Variants in PDE4D observed in about 807,000 individuals in gnomAD.
The protein encoded by PDE4D is phosphodiesterase 4D.
In PDE4D, 24 loss-of-function variants were observed where a neutral mutation model predicts 87.4. The ratio of observed to expected loss-of-function variants is 0.27; its 90% CI spans 0.20 to 0.39. The LOEUF (loss-of-function observed/expected upper bound fraction) is 0.39. Ranked by LOEUF, PDE4D falls within the 10% of genes least tolerant of loss-of-function variation. PDE4D has a pLI of 1.00. For missense variants in PDE4D, 714 were observed against 1,041.0 expected, an observed-to-expected ratio of 0.69 and a Z score of 4.32; for synonymous variants, 384 against 383.2, an observed-to-expected ratio of 1.00 and a Z score of -0.02.
At chr5:59,598,866 C>T (rs1158579576) in intron 1 of PDE4D, among the ~76,000 whole-genome samples, 1 of 152,088 alleles carries the variant, frequency 6.6e-6, no homozygotes. Flanking sequence ...ATCCTTTGAG[C>T]CCAGGAGTTC....
intron 6 of PDE4D, among the ~76,000 whole-genome samples, chr5:59,019,283 C>T (rs78778448): frequency 0.064 from 9,798 of 152,184 alleles, 419 homozygotes; most frequent in Non-Finnish European, 0.093. Flanking sequence ...AATTCCCTAA[C>T]GGTTTCTTCT....
At chr5:59,705,741 T>C (rs533909962) in intron 1 of PDE4D, among the ~76,000 whole-genome samples, 106 of 152,322 alleles carry the variant, frequency 7.0e-4, no homozygotes, top group African/African-American at 2.5e-3. Context: ...CACAGCACCC[T>C]ATACATGTTA....
intron 1 of PDE4D, among the ~76,000 whole-genome samples, chr5:59,301,136 A>G (rs1238126699): frequency 1.3e-5 from 2 of 151,968 alleles, no homozygotes; most frequent in African/African-American, 2.4e-5. Context: ...TGACATCAGC[A>G]TTCCTTCCCC....
intron 1 of PDE4D, among the ~76,000 whole-genome samples, chr5:59,397,197 C>T (rs1352370161): frequency 1.5e-4 from 18 of 116,232 alleles, no homozygotes; most frequent in African/African-American, 6.4e-4. Flanking sequence ...CAAGGATACC[C>T]AGGAATTGAA....
At chr5:60,383,068 A>G (rs1306646522) in intron 1 of PDE4D, among the ~76,000 whole-genome samples, 1 of 152,220 alleles carries the variant, frequency 6.6e-6, no homozygotes, top group Non-Finnish European at 1.5e-5. Flanking sequence ...TAAAAAATGT[A>G]AGATACAAGA....
intron 2 of PDE4D, among the ~76,000 whole-genome samples, chr5:59,200,680 TATAC>T (rs1747071809): frequency 9.7e-6 from 1 of 103,144 alleles, no homozygotes; most frequent in Non-Finnish European, 2.1e-5. Flanking sequence ...TAGATACACG[TATAC>T]ATACATATGT....
At chr5:59,364,444 T>C (rs1439111993) in intron 1 of PDE4D, among the ~76,000 whole-genome samples, 1 of 152,236 alleles carries the variant, frequency 6.6e-6, no homozygotes, top group African/African-American at 2.4e-5. Context: ...CACACAATTG[T>C]TATTTCATTG....
At chr5:60,113,385 A>G (rs1562111111) in intron 2 of PDE4D, among the ~76,000 whole-genome samples, 1 of 152,116 alleles carries the variant, frequency 6.6e-6, no homozygotes, top group Non-Finnish European at 1.5e-5. Flanking sequence ...GATGGACTTT[A>G]CCCTCAAGAA....
At chr5:59,585,370 C>T (rs1421865123) in intron 1 of PDE4D, among the ~76,000 whole-genome samples, 1 of 152,164 alleles carries the variant, frequency 6.6e-6, no homozygotes, top group Non-Finnish European at 1.5e-5. Context: ...CCTCCGAAAC[C>T]TATATTTAGG....
chr5:59,735,824 A>C (rs1365794304), intron 1 of PDE4D, among the ~76,000 whole-genome samples: 1 of 151,918 alleles, frequency 6.6e-6, no homozygotes, highest in Non-Finnish European at 1.5e-5. Context: ...GTACCACCAC[A>C]CCCAGATAAT....
intron 1 of PDE4D, among the ~76,000 whole-genome samples, chr5:59,780,225 G>A (rs925454590): frequency 5.3e-5 from 8 of 152,170 alleles, no homozygotes; most frequent in African/African-American, 1.9e-4. Context: ...AATTAGCTGG[G>A]CATGGTGGCA....
chr5:59,131,025 G>T (rs1776176342), intron 5 of PDE4D, among the ~76,000 whole-genome samples: 1 of 152,144 alleles, frequency 6.6e-6, no homozygotes, highest in African/African-American at 2.4e-5. Flanking sequence ...TGAGGAAGGG[G>T]TGCCCTTTTC....
intron 1 of PDE4D, among the ~76,000 whole-genome samples, chr5:60,205,151 C>T (rs564200926): frequency 2.0e-5 from 3 of 152,254 alleles, no homozygotes; most frequent in East Asian, 1.9e-4. Context: ...AGGCTAGGTC[C>T]GCTGTCAGCT....
intron 1 of PDE4D, among the ~76,000 whole-genome samples, chr5:60,480,287 A>T (rs542982634): frequency 1.3e-5 from 2 of 152,168 alleles, no homozygotes; most frequent in Non-Finnish European, 2.9e-5. Context: ...ATTTTGTGAA[A>T]TAATCAGTTC....
At chr5:59,149,440 G>A (rs773717643) in intron 5 of PDE4D, among the ~76,000 whole-genome samples, 9 of 152,028 alleles carry the variant, frequency 5.9e-5, no homozygotes, top group Admixed American at 1.3e-4. Context: ...CTCCCAAACC[G>A]CAGAGAAGCT....
chr5:59,257,844 C>T (rs1378698063), intron 1 of PDE4D, among the ~76,000 whole-genome samples: 1 of 151,888 alleles, frequency 6.6e-6, no homozygotes, highest in East Asian at 1.9e-4. Flanking sequence ...GAAGCCTTTC[C>T]TTTTTTCCTA....
intron 5 of PDE4D, among the ~76,000 whole-genome samples, chr5:59,073,261 G>A (rs1415851130): frequency 6.6e-6 from 1 of 152,206 alleles, no homozygotes; most frequent in East Asian, 1.9e-4. Flanking sequence ...GTACAAAGCT[G>A]AGAACAACTC....
intron 5 of PDE4D, among the ~76,000 whole-genome samples, chr5:59,155,232 A>G (rs1414823507): frequency 1.3e-5 from 2 of 152,224 alleles, no homozygotes; most frequent in Non-Finnish European, 2.9e-5. Context: ...ATTCTAGAAT[A>G]CTCACATTTA....
Position 59,915,102 on chromosome 5 carries a change from A to AACAT in PDE4D, c.272+73382_272+73385dup, listed in dbSNP as rs778987833. On this transcript the variant is annotated intron_variant, in intron 3 of 16. Coordinates refer to the PDE4D transcript ENST00000502484. Reference sequence around the variant, plus strand: ...ATTAAAGCTTCAAGTGGAGTACAAAAACATAGTGTACTTGTGTTTGTCTAC... The same window carrying AACAT: ...ATTAAAGCTTCAAGTGGAGTACAAAAACATACATAGTGTACTTGTGTTTGTCTAC... Among the ~76,000 whole-genome samples the AACAT allele has an allele frequency of 1.2e-3, 182 of 152,240 alleles. 2 individuals carry two copies. The highest frequency in any genetic ancestry group is 6.8e-3 in the Middle Eastern group (2 of 294).
Sources: allele counts gnomAD v4.1 joint callset (sites outside exome capture counted in the v4.1 genomes callset), GRCh38; gene constraint gnomAD v4.1.1; transcripts MANE v1.5; gene names NCBI Gene and HGNC (gene_info 2026-07-23, HGNC 2026-07-21).